Variants in CDK14 observed in about 807,000 individuals in gnomAD.
The protein encoded by CDK14 is cyclin dependent kinase 14.
Under a neutral mutation model 60.7 loss-of-function variants are expected in CDK14, and 34 were observed. The ratio of observed to expected loss-of-function variants is 0.56; its 90% CI spans 0.43 to 0.75. The LOEUF is 0.75. CDK14 is among the 30% of genes least tolerant of loss of function. The pLI is 0.00. For missense variants in CDK14, 482 were observed against 564.1 expected, an observed-to-expected ratio of 0.85 and a Z score of 1.47; for synonymous variants, 197 against 203.7, an observed-to-expected ratio of 0.97 and a Z score of 0.28.
chr7:91,198,190 T>C (rs1802609271), intron 14 of CDK14, among the ~76,000 whole-genome samples: 1 of 152,200 alleles, frequency 6.6e-6, no homozygotes, highest in African/African-American at 2.4e-5. Context: ...ATTTCTGCTG[T>C]AATATGACAT....
chr7:91,013,533 A>C (rs1291863359), intron 10 of CDK14, among the ~76,000 whole-genome samples: 1 of 152,178 alleles, frequency 6.6e-6, no homozygotes. Flanking sequence ...CTTTCCTGTT[A>C]AAATGTCACT....
At chr7:90,734,466 CT>C (rs1319316335) in intron 3 of CDK14, among the ~76,000 whole-genome samples, 4 of 152,214 alleles carry the variant, frequency 2.6e-5, no homozygotes, top group Admixed American at 2.6e-4. Context: ...TAGATTTTGT[CT>C]TTTCTCACAG....
intron 7 of CDK14, among the ~76,000 whole-genome samples, chr7:90,901,823 C>A (rs138344329): frequency 0.014 from 2,190 of 152,060 alleles, 21 homozygotes; most frequent in Non-Finnish European, 0.022. Flanking sequence ...GTCCTCTGAT[C>A]ATCTCTCCTT....
chr7:90,892,383 A>G (rs568243685), intron 6 of CDK14, among the ~76,000 whole-genome samples: 1 of 152,308 alleles, frequency 6.6e-6, no homozygotes, highest in African/African-American at 2.4e-5. Flanking sequence ...TTTGAGCCTC[A>G]TGGCTGTTGT....
intron 14 of CDK14, among the ~76,000 whole-genome samples, chr7:91,198,030 G>A (rs557998427): frequency 3.9e-5 from 6 of 152,282 alleles, no homozygotes; most frequent in South Asian, 2.1e-4. Context: ...GGGGCTTAGC[G>A]AGCTGTCTAG....
At chr7:90,701,637 A>T (rs1801789352) in intron 2 of CDK14, among the ~76,000 whole-genome samples, 1 of 152,162 alleles carries the variant, frequency 6.6e-6, no homozygotes, top group Non-Finnish European at 1.5e-5. Flanking sequence ...GTAGCTCCGT[A>T]TCCTTTCTGT....
chr7:90,794,921 A>G (rs1484001481), intron 5 of CDK14, among the ~76,000 whole-genome samples: 2 of 152,218 alleles, frequency 1.3e-5, no homozygotes, highest in Non-Finnish European at 2.9e-5. Context: ...TGGGGAACTA[A>G]TAAATGTCCA....
At chr7:90,805,568 T>G (rs1788792920) in intron 5 of CDK14, among the ~76,000 whole-genome samples, 1 of 152,050 alleles carries the variant, frequency 6.6e-6, no homozygotes, top group African/African-American at 2.4e-5. Context: ...GGGATAAATC[T>G]AACAAAACAT....
chr7:90,708,427 G>GT (rs1463886345), intron 2 of CDK14, among the ~76,000 whole-genome samples: 3 of 152,156 alleles, frequency 2.0e-5, no homozygotes, highest in Non-Finnish European at 4.4e-5. Context: ...TAATTCAATA[G>GT]TTTTCAGATA....
chr7:90,814,897 CAGA>C (rs1242239192), intron 5 of CDK14, among the ~76,000 whole-genome samples: 1 of 152,226 alleles, frequency 6.6e-6, no homozygotes, highest in East Asian at 1.9e-4. Context: ...AGCTACATCT[CAGA>C]AGAAGGACTC....
intron 11 of CDK14, among the ~76,000 whole-genome samples, chr7:91,053,902 A>G (rs1293851411): frequency 6.6e-6 from 1 of 152,128 alleles, no homozygotes; most frequent in African/African-American, 2.4e-5. Context: ...TTACTCTTCT[A>G]GAAGAGTCAT....
intron 14 of CDK14, among the ~76,000 whole-genome samples, chr7:91,192,357 G>T (rs1444911078): frequency 1.3e-5 from 2 of 152,162 alleles, no homozygotes; most frequent in African/African-American, 4.8e-5. Flanking sequence ...ACAAATCTTT[G>T]TCCAGAAAGT....
chr7:90,749,153 A>AC (rs1256661670), intron 4 of CDK14, among the ~76,000 whole-genome samples: 3 of 152,214 alleles, frequency 2.0e-5, no homozygotes, highest in African/African-American at 7.2e-5. Flanking sequence ...GTTGTAAAAA[A>AC]AAGTTTGTAA....
At chr7:90,626,979 A>G (rs966474196) in intron 2 of CDK14, among the ~76,000 whole-genome samples, 3 of 151,744 alleles carry the variant, frequency 2.0e-5, no homozygotes, top group Admixed American at 6.6e-5. Flanking sequence ...AACAAAAACA[A>G]AAACAAAACA....
chr7:90,735,598 A>C (rs1462634846), intron 3 of CDK14, among the ~76,000 whole-genome samples: 1 of 152,108 alleles, frequency 6.6e-6, no homozygotes, highest in Non-Finnish European at 1.5e-5. Flanking sequence ...GCCCATTTCA[A>C]CCTTCCCGAT....
chr7:90,722,218 G>T lies in CDK14; in HGVS notation c.124-4349G>T, dbSNP rs1255350819. On this transcript the variant is annotated intron_variant, in intron 2 of 14. Transcript: ENST00000380050. ...TTCCCTTTTCCCTTTTTGAGATAGG[G>T]TCTCACTATGTTGCCCAGGCTGGAG... 1.8e-4 allele frequency among the ~76,000 whole-genome samples: 27 copies of T among 149,786 alleles called. 1 individual carries two copies. The Admixed American group carries it at 1.8e-3, about 10-fold the overall frequency.
At chr7:90,774,804 A>G (rs373794947) in intron 4 of CDK14, among the ~76,000 whole-genome samples, 42 of 152,342 alleles carry the variant, frequency 2.8e-4, no homozygotes, top group African/African-American at 9.9e-4. Context: ...TGGGTGGAGA[A>G]GAGTCTGAAC....
intron 2 of CDK14, among the ~76,000 whole-genome samples, chr7:90,719,057 A>G (rs1204008358): frequency 6.6e-6 from 1 of 152,178 alleles, no homozygotes; most frequent in African/African-American, 2.4e-5. Flanking sequence ...TATTGGGAGC[A>G]GATTTTGAGT....
At chr7:90,876,491 A>G (rs544336844) in intron 6 of CDK14, among the ~76,000 whole-genome samples, 1 of 152,336 alleles carries the variant, frequency 6.6e-6, no homozygotes, top group East Asian at 1.9e-4. Context: ...CGACTTCCAT[A>G]TATAGACTTT....
Sources: gnomAD v4.1 joint callset for allele counts (sites outside exome capture counted in the v4.1 genomes callset) on GRCh38, gnomAD v4.1.1 for gene constraint, MANE v1.5 for transcripts, NCBI Gene and HGNC (gene_info 2026-07-23, HGNC 2026-07-21) for gene names.